The following TAP1 variants were observed in gnomAD, a reference collection of about 807,000 sequenced individuals.
The protein encoded by TAP1 is antigen peptide transporter 1.
Under a neutral mutation model 79.3 loss-of-function variants are expected in TAP1, and 56 were observed. That is an observed-to-expected ratio of 0.71 (90% CI 0.57 to 0.88). TAP1 has a LOEUF of 0.88. Among genes scored for constraint, TAP1 ranks in the 40% least tolerant of loss-of-function variants. TAP1 has a pLI of 0.00. For synonymous variants in TAP1, 355 were observed against 401.4 expected (o/e 0.88, Z 1.38); for missense variants, 737 against 936.3 (o/e 0.79, Z 2.78).
At chr6:32,849,195 G>A (rs56232302) in intron 5 of TAP1, 77 bp from the exon 6 acceptor site, 88,375 of 1,529,054 alleles carry the variant, frequency 0.058, 3,349 homozygotes, top group African/African-American at 0.17. Context: ...TCATTAACCT[G>A]AAGGAAATAT....
Position 32,852,935 on chromosome 6 carries a change from T to G in TAP1, c.598+104A>C. The G allele has an allele frequency of 5.3e-6, 8 of 1,500,090 alleles. No homozygotes were observed. The African/African-American group carries it at 6.9e-5, about 13-fold the overall frequency. The allele number at this position is 1,500,090 out of a possible 1,614,324, so 92.9% of individuals were successfully genotyped here. A position where few individuals can be genotyped will look rare whatever the true frequency, so the allele number is the denominator to read the frequency against. On this transcript the variant is annotated intron_variant, in intron 1 of 10. Coordinates refer to ENST00000354258, the MANE Select transcript of TAP1 (RefSeq NM_000593.6). The surrounding 1 kb of genome is among the most constrained non-coding windows in gnomAD (Gnocchi z 4.8). ...CCCACGCTAGGAGTCCTTCTCCTGC[T>G]CCACATTTCCCAGAACCCACGCTAC...
intron 5 of TAP1, chr6:32,849,408 G>A (rs1374896560): frequency 1.2e-5 from 6 of 518,866 alleles, no homozygotes; most frequent in Non-Finnish European, 1.7e-5. Context: ...TACATGAAGA[G>A]CCTTATAAAG....
At position 32,852,296 on chromosome 6, in the gene TAP1, G is replaced by T; in HGVS notation, c.714-57C>A. 6.2e-7 allele frequency: 1 copy of T among 1,612,858 alleles called. No individual in the cohort carries two copies. The highest frequency in any genetic ancestry group is 2.2e-5 in the East Asian group (1 of 44,892). On this transcript the variant is annotated intron_variant, in intron 2 of 10. Coordinates refer to ENST00000354258, the MANE Select transcript of TAP1 (RefSeq NM_000593.6). The surrounding 1 kb of genome is among the most constrained non-coding windows in gnomAD (Gnocchi z 4.8). ...GGTGTGTTCAGGGAACAGACTGAAG[G>T]TCCCAGGTATCCCCATATAAGTGCA...
chr6:32,849,706 G>A (rs1361632470), intron 5 of TAP1: 3 of 170,348 alleles, frequency 1.8e-5, no homozygotes, highest in African/African-American at 4.8e-5. Context: ...AGCCCAGATC[G>A]CGCCACTGCA....
In TAP1 at chr6:32,851,097, CAG is replaced by C; in HGVS notation, c.895_896del (p.Leu299GlufsTer2). On this transcript the variant is annotated frameshift_variant, in exon 4 of 11. Coordinates refer to ENST00000354258, the MANE Select transcript of TAP1 (RefSeq NM_000593.6). LOFTEE classifies it high-confidence loss of function. The surrounding 1 kb of genome is among the most constrained non-coding windows in gnomAD (Gnocchi z 4.8). Reference protein sequence around the residue: ...TEDTSTLSDSLSENLSLFLWY... With the variant: ...TEDTSTLSDSXSENLSLFLWY... Reference sequence around the variant, plus strand: ...ACAGAAATAAGCTCAGATTCTCACTCAGAGAATCACTCAGGGTGGACGTGTCC... The same window carrying C: ...ACAGAAATAAGCTCAGATTCTCACTCAGAATCACTCAGGGTGGACGTGTCC... 3.1e-6 allele frequency: 5 copies of C among 1,613,014 alleles called. No homozygotes were observed. The highest frequency in any genetic ancestry group is 4.2e-6 in the Non-Finnish European group (5 of 1,180,026).
rs58983730 is a variant in TAP1 at position 32,848,186 on chromosome 6, G to A, written c.1567-94C>T. ...TTACATAGCATGATGTCTTACCCCA[G>A]AAGAAAAACAGGGAAATATAGAAAC... On this transcript the variant is annotated intron_variant, in intron 7 of 10. Transcript: ENST00000354258. 2.0e-6 allele frequency: 3 copies of A among 1,477,950 alleles called. No homozygotes were observed. In the Admixed American group the frequency reaches 5.9e-5, roughly 29 times the overall value. 91.6% of individuals were successfully genotyped at this position (1,477,950 alleles called of 1,614,324 possible). A position where few individuals can be genotyped will look rare whatever the true frequency, so the allele number is the denominator to read the frequency against.
At position 32,851,142 on chromosome 6, in the gene TAP1, G is replaced by A; in HGVS notation, c.852C>T (p.Ile284=). 3 of 1,612,964 alleles carry A rather than the reference G, an allele frequency of 1.9e-6. No individual in the cohort carries two copies. The highest frequency in any genetic ancestry group is 1.7e-6 in the Non-Finnish European group (2 of 1,180,006). Reference sequence around the variant, plus strand: ...ACGTGTCCTCTGTTACCCGAGACATGATGTTACCTGCAGGGTTGGGGAGAA... The same window carrying A: ...ACGTGTCCTCTGTTACCCGAGACATAATGTTACCTGCAGGGTTGGGGAGAA... The part of the protein sequence containing the change: ...EFFQQNQTGN[I]MSRVTEDTST... Residue 284 remains isoleucine (I), a synonymous_variant, in exon 4 of 11, where the codon ATC becomes ATT. Transcript: ENST00000354258. This position sits in a 1 kb window ranked among gnomAD's most constrained non-coding sequence, Gnocchi z 4.8.
chr6:32,848,127 C>A (rs1435375595), intron 7 of TAP1, 35 bp from the exon 8 acceptor site: 3 of 1,564,026 alleles, frequency 1.9e-6, no homozygotes, highest in Non-Finnish European at 2.6e-6. Flanking sequence ...AAGAGGCTAC[C>A]AAGGCCTCTA....
Position 32,850,548 on chromosome 6 carries a change from G to A in TAP1, c.1051-31C>T, listed in dbSNP as rs1349591183. On this transcript the variant is annotated intron_variant, in intron 4 of 10. Coordinates refer to ENST00000354258, the MANE Select transcript of TAP1 (RefSeq NM_000593.6). This position sits in a 1 kb window ranked among gnomAD's most constrained non-coding sequence, Gnocchi z 5.5. Reference sequence around the variant, plus strand: ...GATACATGGACAAGAGATGTCACACGGGTTGGCAAACCATCAGGGACACTA... The same window carrying A: ...GATACATGGACAAGAGATGTCACACAGGTTGGCAAACCATCAGGGACACTA... 6.3e-6 allele frequency: 10 copies of A among 1,599,270 alleles called. No homozygotes were observed. Among genetic ancestry groups the A allele is most frequent in the East Asian group, 4.5e-5 (2 of 44,856 alleles).
At position 32,852,489 on chromosome 6, in the gene TAP1, A is replaced by C. The variant is rs2127392817; in HGVS notation, c.612T>G (p.Ile204Met). Residue 204 changes from isoleucine to methionine, a missense_variant, in exon 2 of 11, where the codon ATT becomes ATG. Transcript: ENST00000354258. The surrounding 1 kb of genome is among the most constrained non-coding windows in gnomAD (Gnocchi z 4.8). ...CAGTGAGGCGGCCCGTAAAGAATGG[A>C]ATGGCCATCTCCCCTGGAGAAAGAG... ...VVLSSLGEMA[I>M]PFFTGRLTDW... is the part of the protein sequence containing the mutation. The C allele has an allele frequency of 6.2e-7, 1 of 1,613,074 alleles. No homozygotes were observed. Among genetic ancestry groups the C allele is most frequent in the Non-Finnish European group, 8.5e-7 (1 of 1,180,024 alleles).
chr6:32,853,232 A>G lies in TAP1; in HGVS notation c.405T>C (p.Ser135=). The change falls in exon 1 of 11, where the codon AGT becomes AGC. Residue 135 remains serine (S), a synonymous_variant. Coordinates refer to ENST00000354258, the MANE Select transcript of TAP1 (RefSeq NM_000593.6). The surrounding 1 kb of genome is among the most constrained non-coding windows in gnomAD (Gnocchi z 8.3). ...ADSTRLLHWG[S]HPTAFVVSYA... ...AACTGACAACGAAGGCGGTAGGGTGACTTCCCCAGTGCAGTAGCCTGGTGC... is the reference window on the plus strand; with the variant it reads ...AACTGACAACGAAGGCGGTAGGGTGGCTTCCCCAGTGCAGTAGCCTGGTGC... The G allele has an allele frequency of 6.2e-7, 1 of 1,608,728 alleles. No homozygotes were observed. The highest frequency in any genetic ancestry group is 8.5e-7 in the Non-Finnish European group (1 of 1,177,860).
chr6:32,849,442 A>G, intron 5 of TAP1: 1 of 422,284 alleles, frequency 2.4e-6, no homozygotes, highest in Non-Finnish European at 4.4e-6. Flanking sequence ...TCCATTTTTG[A>G]AAAATGAGGA....
chr6:32,849,210 T>C, intron 5 of TAP1, 92 bp from the exon 6 acceptor site: 3 of 1,491,112 alleles, frequency 2.0e-6, no homozygotes, highest in African/African-American at 1.4e-5. Flanking sequence ...AAATATCAAG[T>C]CCCTGTCTCC....
chr6:32,853,591 G>A lies in TAP1; in HGVS notation c.46C>T (p.Pro16Ser). Residue 16 changes from proline (P) to serine (S), a missense_variant, in exon 1 of 11, where the codon CCC becomes TCC. Pro to Ser is a moderately conservative substitution (Grantham distance 74, BLOSUM62 -1). Coordinates refer to ENST00000354258, the MANE Select transcript of TAP1 (RefSeq NM_000593.6). This position sits in a 1 kb window ranked among gnomAD's most constrained non-coding sequence, Gnocchi z 8.3. Reference sequence around the variant, plus strand: ...CCCAGCCATGCGAGAGAAGCTCCGGGGAGGCAGCGGCACCCGCGGGGAGCG... The same window carrying A: ...CCCAGCCATGCGAGAGAAGCTCCGGAGAGGCAGCGGCACCCGCGGGGAGCG... ...CPAPRGCRCL[P>S]GASLAWLGTV... The A allele has an allele frequency of 6.2e-7, 1 of 1,612,612 alleles. No homozygotes were observed. Among genetic ancestry groups the A allele is most frequent in the Non-Finnish European group, 8.5e-7 (1 of 1,179,764 alleles).
At chr6:32,849,798 A>T in intron 5 of TAP1, 1 of 167,782 alleles carries the variant, frequency 6.0e-6, no homozygotes, top group Non-Finnish European at 1.3e-5. Flanking sequence ...AAACAAATAA[A>T]TAAATAAAGA....
intron 5 of TAP1, 29 bp from the exon 6 acceptor site, chr6:32,849,147 G>A (rs1307581649): frequency 6.4e-7 from 1 of 1,562,716 alleles, no homozygotes; most frequent in South Asian, 1.2e-5. Flanking sequence ...AAAAGGGACT[G>A]AGGTAGAGAA....
In TAP1 at chr6:32,845,653, T is replaced by C. The variant is rs981748969; in HGVS notation, c.2173A>G (p.Thr725Ala). 1 of 1,613,012 alleles carries C rather than the reference T, an allele frequency of 6.2e-7. No homozygotes were observed. Among genetic ancestry groups the C allele is most frequent in the Non-Finnish European group, 8.5e-7 (1 of 1,180,002 alleles). Residue 725 changes from threonine (T) to alanine (A), a missense_variant, in exon 11 of 11, where the codon ACC (threonine) becomes GCC (alanine). Physicochemically the swap from Thr to Ala is moderately conservative, Grantham distance 58 (BLOSUM62 0). Transcript: ENST00000354258. The surrounding 1 kb of genome is among the most constrained non-coding windows in gnomAD (Gnocchi z 4.5). ...LEGGAIREGG[T>A]HQQLMEKKGC... ...TTTTTCTCCATGAGCTGCTGGTGGGTTCCCCCCTCCCGGATAGCGCCTCCT... is the reference window on the plus strand; with the variant it reads ...TTTTTCTCCATGAGCTGCTGGTGGGCTCCCCCCTCCCGGATAGCGCCTCCT...
In TAP1 at chr6:32,848,850, G is replaced by A; in HGVS notation, c.1378-10C>T. 1 of 1,613,730 alleles carries A rather than the reference G, an allele frequency of 6.2e-7. No homozygotes were observed. Among genetic ancestry groups the A allele is most frequent in the East Asian group, 2.2e-5 (1 of 44,886 alleles). The stretch of plus-strand genomic sequence containing the variant: ...AGATGGAGAGCAGTACCTAGAGGGA[G>A]GTAAGAATAGTGAAAGTGAGGTAGT... On this transcript the variant is annotated splice_polypyrimidine_tract_variant and intron_variant, in intron 6 of 10. Transcript: ENST00000354258.
Position 32,847,243 on chromosome 6 carries a change from C to A in TAP1, c.1904-39G>T. The A allele has an allele frequency of 6.2e-7, 1 of 1,608,218 alleles. No individual in the cohort carries two copies. Among genetic ancestry groups the A allele is most frequent in the Non-Finnish European group, 8.5e-7 (1 of 1,179,906 alleles). ...GGCCAAGATGAGAACGGTATAGCCACATGTGTGCACGCATGTACATGCACA... is the reference window on the plus strand; with the variant it reads ...GGCCAAGATGAGAACGGTATAGCCAAATGTGTGCACGCATGTACATGCACA... On this transcript the variant is annotated intron_variant, in intron 9 of 10. Coordinates refer to ENST00000354258, the MANE Select transcript of TAP1 (RefSeq NM_000593.6). The surrounding 1 kb of genome is among the most constrained non-coding windows in gnomAD (Gnocchi z 4.7).
Sources: gnomAD v4.1 joint callset for allele counts on GRCh38, gnomAD v4.1.1 for gene constraint, Gnocchi (gnomAD v3.1) non-coding constraint, MANE v1.5 for transcripts, NCBI Gene and HGNC (gene_info 2026-07-23, HGNC 2026-07-21) for gene names.